KCNH5: variants seen among roughly 807,000 people sequenced by gnomAD.
KCNH5 encodes voltage-gated delayed rectifier potassium channel KCNH5.
In KCNH5, 46 loss-of-function variants were observed where a neutral mutation model predicts 96.1. That is an observed-to-expected ratio of 0.48 (90% confidence interval 0.38 to 0.61). KCNH5 has a LOEUF of 0.61. Ranked by LOEUF, KCNH5 falls within the 20% of genes least tolerant of loss-of-function variation. The pLI is 0.00. For synonymous variants in KCNH5, 439 were observed against 449.8 expected (o/e 0.98, Z 0.30); for missense variants, 907 against 1,225.8 (o/e 0.74, Z 3.88).
At chr14:62,934,618 T>C (rs1445661648) in intron 7 of KCNH5, among the ~76,000 whole-genome samples, 2 of 152,208 alleles carry the variant, frequency 1.3e-5, no homozygotes, top group Admixed American at 6.5e-5. Flanking sequence ...CCTTTTGCTA[T>C]CCTCTCACTG....
intron 10 of KCNH5, among the ~76,000 whole-genome samples, chr14:62,737,402 T>TCATA (rs1346974123): frequency 6.6e-6 from 1 of 151,900 alleles, no homozygotes; most frequent in Admixed American, 6.6e-5. Flanking sequence ...ACCACTGGAG[T>TCATA]CATAATTCCT....
In KCNH5 at chr14:63,045,425, T is replaced by G; in HGVS notation, c.-239A>C. 2.0e-5 allele frequency: 11 copies of G among 543,916 alleles called. No homozygotes were observed. In the South Asian group the frequency reaches 2.5e-4, roughly 12 times the overall value. 33.7% of individuals were successfully genotyped at this position (543,916 alleles called of 1,614,324 possible). A position where few individuals can be genotyped will look rare whatever the true frequency, so the allele number is the denominator to read the frequency against. On this transcript the variant is annotated 5_prime_UTR_variant, in exon 1 of 11. Coordinates refer to ENST00000322893, the MANE Select transcript of KCNH5 (RefSeq NM_139318.5). ...CTCCCCCGGCCGCCGCTGCCCAGAC[T>G]GTGGCGGTGCCGCACACGGGGCTCG... is the stretch of plus-strand genomic sequence containing the variant.
At chr14:62,922,862 G>A (rs1889405350) in intron 7 of KCNH5, among the ~76,000 whole-genome samples, 1 of 151,820 alleles carries the variant, frequency 6.6e-6, no homozygotes, top group Non-Finnish European at 1.5e-5. Flanking sequence ...AAAGCTTAAA[G>A]CCTTTTCCGT....
chr14:62,995,415 C>T (rs534702005), intron 4 of KCNH5, among the ~76,000 whole-genome samples: 50 of 152,156 alleles, frequency 3.3e-4, no homozygotes, highest in Non-Finnish European at 5.9e-4. Context: ...TTTGCAAACA[C>T]CCTTGTAAAC....
At chr14:62,890,488 G>A (rs564589674) in intron 7 of KCNH5, among the ~76,000 whole-genome samples, 133 of 151,988 alleles carry the variant, frequency 8.8e-4, no homozygotes, top group South Asian at 4.2e-4. Context: ...GAGGTCAGGA[G>A]ATCGAGACCA....
intron 7 of KCNH5, among the ~76,000 whole-genome samples, chr14:62,934,385 A>G (rs1225754764): frequency 6.6e-6 from 1 of 152,184 alleles, no homozygotes; most frequent in Non-Finnish European, 1.5e-5. Flanking sequence ...TGCCCTCTAT[A>G]GAAGAGACTA....
intron 8 of KCNH5, among the ~76,000 whole-genome samples, chr14:62,808,568 G>A (rs1045020530): frequency 6.6e-6 from 1 of 152,040 alleles, no homozygotes; most frequent in Admixed American, 6.6e-5. Flanking sequence ...TTATTATAAA[G>A]GTGAAGTTTG....
At chr14:62,748,387 T>C (rs1185498849) in intron 10 of KCNH5, among the ~76,000 whole-genome samples, 3 of 152,198 alleles carry the variant, frequency 2.0e-5, no homozygotes, top group Non-Finnish European at 4.4e-5. Context: ...ATCTGGACAC[T>C]CCCAAGTCGG....
rs527575203 is a variant in KCNH5 at position 62,734,423 on chromosome 14, T to C, written c.2020-25968A>G. Reference sequence around the variant, plus strand: ...GCTATTGATAACAAACCACTTACAGTTTCTAGTTAAAGTCATAATATTTTA... The same window carrying C: ...GCTATTGATAACAAACCACTTACAGCTTCTAGTTAAAGTCATAATATTTTA... On this transcript the variant is annotated intron_variant, in intron 10 of 10. Transcript: ENST00000322893. Among the ~76,000 whole-genome samples the C allele has an allele frequency of 1.2e-4, 19 of 152,172 alleles. No homozygotes were observed. In the South Asian group the frequency reaches 3.7e-3, roughly 30 times the overall value.
At chr14:62,732,244 C>G (rs767535314) in intron 10 of KCNH5, among the ~76,000 whole-genome samples, 83 of 152,142 alleles carry the variant, frequency 5.5e-4, no homozygotes, top group Non-Finnish European at 1.0e-3. Flanking sequence ...ATCTGTTCCC[C>G]TCTCCACCTA....
intron 1 of KCNH5, among the ~76,000 whole-genome samples, chr14:63,034,264 T>C (rs565791127): frequency 1.3e-5 from 2 of 152,280 alleles, no homozygotes; most frequent in Admixed American, 1.3e-4. Context: ...TACCTATAGA[T>C]CTATTTAAGT....
intron 10 of KCNH5, among the ~76,000 whole-genome samples, chr14:62,711,223 C>T (rs1884559882): frequency 6.6e-6 from 1 of 151,908 alleles, no homozygotes; most frequent in African/African-American, 2.4e-5. Flanking sequence ...CACCAGCTGC[C>T]CCCCACCCAC....
chr14:62,800,475 C>T (rs1886638661), intron 9 of KCNH5, among the ~76,000 whole-genome samples: 1 of 152,080 alleles, frequency 6.6e-6, no homozygotes, highest in South Asian at 2.1e-4. Flanking sequence ...CTTTCTCCAA[C>T]CTTCTTTTAG....
intron 7 of KCNH5, among the ~76,000 whole-genome samples, chr14:62,877,608 T>C (rs1298828345): frequency 6.6e-6 from 1 of 152,194 alleles, no homozygotes; most frequent in Non-Finnish European, 1.5e-5. Flanking sequence ...TCACAATCAC[T>C]GGCCATCAGA....
rs530500436 is a variant in KCNH5 at position 62,736,587 on chromosome 14, C to T, written c.2020-28132G>A. 9.2e-5 allele frequency among the ~76,000 whole-genome samples: 14 copies of T among 152,178 alleles called. No homozygotes were observed. In the South Asian group the frequency reaches 1.5e-3, roughly 16 times the overall value. Reference sequence around the variant, plus strand: ...AGCCTTGAGATAATGCCCCGCAGGCCGGAAAGATGTCTGCCCAAAGATAAA... The same window carrying T: ...AGCCTTGAGATAATGCCCCGCAGGCTGGAAAGATGTCTGCCCAAAGATAAA... On this transcript the variant is annotated intron_variant, in intron 10 of 10. Transcript: ENST00000322893.
At chr14:62,743,711 C>G (rs10047858) in intron 10 of KCNH5, among the ~76,000 whole-genome samples, 6 of 151,878 alleles carry the variant, frequency 4.0e-5, no homozygotes, top group African/African-American at 1.2e-4. Flanking sequence ...AGGTCCTTTA[C>G]CACCATATTC....
At chr14:62,837,582 TTAA>T (rs1438672854) in intron 8 of KCNH5, among the ~76,000 whole-genome samples, 1 of 152,182 alleles carries the variant, frequency 6.6e-6, no homozygotes, top group Non-Finnish European at 1.5e-5. Flanking sequence ...AACAGAAAAC[TTAA>T]ATGATGATGA....
intron 6 of KCNH5, among the ~76,000 whole-genome samples, chr14:62,954,513 T>C (rs1890064931): frequency 6.6e-6 from 1 of 152,156 alleles, no homozygotes; most frequent in African/African-American, 2.4e-5. Flanking sequence ...AACAAGCAAA[T>C]GTTGGGGATC....
chr14:63,003,540 A>ATATATTTTATATATATTTTATATATT (rs1891059763), intron 3 of KCNH5, among the ~76,000 whole-genome samples: 1 of 108,966 alleles, frequency 9.2e-6, no homozygotes, highest in Non-Finnish European at 1.8e-5. Flanking sequence ...TATATTATAT[A>ATATATTTTATATATATTTTATATATT]TTATATATAG....
Sources: allele counts gnomAD v4.1 joint callset (sites outside exome capture counted in the v4.1 genomes callset), GRCh38; gene constraint gnomAD v4.1.1; transcripts MANE v1.5; gene names NCBI Gene and HGNC (gene_info 2026-07-23, HGNC 2026-07-21).